LRRC37A: variants seen among roughly 807,000 people sequenced by gnomAD.
LRRC37A encodes the protein leucine-rich repeat-containing protein 37A.
A neutral mutation model predicts 35.4 loss-of-function variants in LRRC37A; 3 were observed. The observed-to-expected ratio is 0.08, with a 90% CI of 0.04 to 0.22. LRRC37A has a LOEUF of 0.22. Among genes scored for constraint, LRRC37A ranks in the 10% least tolerant of loss-of-function variants. The pLI is 1.00. For synonymous variants in LRRC37A, 23 were observed against 215.0 expected (o/e 0.11, Z 7.81); for missense variants, 67 against 565.3 (o/e 0.12, Z 8.94).
At chr17:46,304,917 G>T (rs2050469869) in intron 3 of LRRC37A, among the ~76,000 whole-genome samples, 1 of 68,418 alleles carries the variant, frequency 1.5e-5, no homozygotes, top group Non-Finnish European at 4.5e-5. Flanking sequence ...CGCCCAGGCT[G>T]GAGTGCAGTG....
upstream of LRRC37A, among the ~76,000 whole-genome samples, chr17:46,288,730 G>T (rs1183187913): frequency 1.4e-5 from 2 of 144,488 alleles, no homozygotes; most frequent in African/African-American, 5.0e-5. Context: ...TTGAGACTGG[G>T]TCTCACTCTG....
the LRRC37A span, among the ~76,000 whole-genome samples, chr17:46,273,543 C>T: frequency 6.8e-3 from 1,035 of 152,228 alleles, 8 homozygotes; most frequent in African/African-American, 0.024. Flanking sequence ...AGCAGGGAAA[C>T]GTTGAAAGGA....
chr17:46,271,164 C>CTT, the LRRC37A span, among the ~76,000 whole-genome samples: 825 of 121,228 alleles, frequency 6.8e-3, 8 homozygotes, highest in African/African-American at 0.018. Flanking sequence ...GTAATAGTTT[C>CTT]TTTTTTTTTT....
chr17:46,268,846 C>A, the LRRC37A span, among the ~76,000 whole-genome samples: 2 of 152,206 alleles, frequency 1.3e-5, no homozygotes, highest in African/African-American at 2.4e-5. Flanking sequence ...GAAGGTGTCA[C>A]TTTGTTATTT....
chr17:46,291,905 G>A (rs982708652), upstream of LRRC37A, among the ~76,000 whole-genome samples: 4 of 150,424 alleles, frequency 2.7e-5, no homozygotes, highest in African/African-American at 7.4e-5. Context: ...AGGCTGCGAT[G>A]GGGTGTGATT....
At chr17:46,249,169 C>G in the LRRC37A span, among the ~76,000 whole-genome samples, 1 of 152,042 alleles carries the variant, frequency 6.6e-6, no homozygotes, top group African/African-American at 2.4e-5. Flanking sequence ...CACCGAGGGA[C>G]AACTGTTCAC....
In LRRC37A at chr17:46,306,055, C is replaced by T. The variant is rs1263673228; in HGVS notation, c.2826-174C>T. Among the ~76,000 whole-genome samples the T allele has an allele frequency of 8.6e-5, 7 of 81,472 alleles. 1 individual carries two copies. The highest frequency in any genetic ancestry group is 2.2e-4 in the African/African-American group (7 of 31,906). The allele number at this position is 81,472 out of a possible 152,430, so 53.4% of individuals were successfully genotyped here. A position where few individuals can be genotyped will look rare whatever the true frequency, so the allele number is the denominator to read the frequency against. On this transcript the variant is annotated intron_variant, in intron 4 of 13. Coordinates refer to ENST00000320254, the Ensembl canonical transcript of LRRC37A. ...TCACTGTTTTGTATCTAATGCACCACGTGTGCAGTGTTAAAGTATAAATCA... is the reference window on the plus strand; with the variant it reads ...TCACTGTTTTGTATCTAATGCACCATGTGTGCAGTGTTAAAGTATAAATCA...
chr17:46,279,188 T>A, the LRRC37A span, among the ~76,000 whole-genome samples: 1 of 114,262 alleles, frequency 8.8e-6, no homozygotes, highest in Non-Finnish European at 2.3e-5. Context: ...TTTTTTCTTT[T>A]TTTTTTTTTT....
At chr17:46,278,366 TTTTTG>T in the LRRC37A span, among the ~76,000 whole-genome samples, 9 of 152,236 alleles carry the variant, frequency 5.9e-5, no homozygotes, top group African/African-American at 1.2e-4. Flanking sequence ...GTCCTAGTCT[TTTTTG>T]TTTTGTTTTG....
the LRRC37A span, among the ~76,000 whole-genome samples, chr17:46,264,423 A>C: frequency 6.6e-6 from 1 of 152,238 alleles, no homozygotes; most frequent in African/African-American, 2.4e-5. Flanking sequence ...AGATGAACAC[A>C]TTAGGCTGTG....
the LRRC37A span, among the ~76,000 whole-genome samples, chr17:46,284,930 C>A: frequency 6.6e-6 from 1 of 152,246 alleles, no homozygotes; most frequent in Non-Finnish European, 1.5e-5. Context: ...AGTGGAGTGG[C>A]ACGATCATAG....
chr17:46,279,625 G>A, the LRRC37A span, among the ~76,000 whole-genome samples: 1 of 151,536 alleles, frequency 6.6e-6, no homozygotes, highest in Non-Finnish European at 1.5e-5. Flanking sequence ...AGCCTCTGGA[G>A]TAGCTGGGAT....
chr17:46,311,612 GA>G (rs1371181287), intron 5 of LRRC37A, among the ~76,000 whole-genome samples: 12 of 90,618 alleles, frequency 1.3e-4, no homozygotes, highest in East Asian at 1.3e-3. Flanking sequence ...AATTTGGAGG[GA>G]AAAAAAAAAA....
At chr17:46,264,541 T>C in the LRRC37A span, among the ~76,000 whole-genome samples, 7 of 152,244 alleles carry the variant, frequency 4.6e-5, no homozygotes, top group Admixed American at 3.9e-4. Flanking sequence ...GGCTTGTTTA[T>C]AGAAAGAGAA....
the LRRC37A span, among the ~76,000 whole-genome samples, chr17:46,248,464 A>G: frequency 6.6e-6 from 1 of 151,992 alleles, no homozygotes; most frequent in Non-Finnish European, 1.5e-5. Context: ...TTTCCAGAAT[A>G]TCTTATAAAT....
At chr17:46,289,141 C>T (rs188083043), upstream of LRRC37A, among the ~76,000 whole-genome samples, 4 of 152,216 alleles carry the variant, frequency 2.6e-5, no homozygotes, top group East Asian at 1.9e-4. Context: ...TTGGCATCCA[C>T]GAACAAATTT....
the LRRC37A span, among the ~76,000 whole-genome samples, chr17:46,248,415 C>T: frequency 2.4e-4 from 36 of 152,108 alleles, 1 homozygote; most frequent in African/African-American, 8.5e-4. Flanking sequence ...CACCGTCAGC[C>T]CCTGTTAGCT....
the LRRC37A span, chr17:46,268,606 T>C: frequency 6.4e-7 from 1 of 1,551,594 alleles, no homozygotes; most frequent in Admixed American, 1.9e-5. Flanking sequence ...GGGGATGGAC[T>C]GCTGAGGAGC....
At chr17:46,258,135 T>C in the LRRC37A span, among the ~76,000 whole-genome samples, 2 of 152,128 alleles carry the variant, frequency 1.3e-5, no homozygotes, top group African/African-American at 4.8e-5. Context: ...CCCACATAGC[T>C]AGAGTGAATG....
Sources: gnomAD v4.1 joint callset for allele counts (sites outside exome capture counted in the v4.1 genomes callset) on GRCh38, gnomAD v4.1.1 for gene constraint, MANE v1.5 for transcripts, NCBI Gene and HGNC (gene_info 2026-07-23, HGNC 2026-07-21) for gene names.